Variants in ABLIM2 observed in about 807,000 individuals in gnomAD.
The protein encoded by ABLIM2 is actin binding LIM protein family member 2.
ABLIM2 carries 53 observed loss-of-function variants against 97.7 expected under a neutral mutation model. That is an observed-to-expected ratio of 0.54 (90% confidence interval 0.44 to 0.68). ABLIM2 has a LOEUF of 0.68. ABLIM2 is among the 30% of genes least tolerant of loss of function. ABLIM2 has a pLI of 0.00. For missense variants in ABLIM2, 835 were observed against 867.2 expected (o/e 0.96, Z 0.47); for synonymous variants, 361 against 345.8 (o/e 1.04, Z -0.49).
chr4:8,098,124 A>G (rs12505302), intron 2 of ABLIM2, among the ~76,000 whole-genome samples: 33,140 of 152,096 alleles, frequency 0.22, 4,332 homozygotes, highest in Non-Finnish European at 0.3. Context: ...CAGGCCATGC[A>G]TGGTTTCAGA....
At chr4:8,041,053 G>T (rs946065015) in intron 9 of ABLIM2, among the ~76,000 whole-genome samples, 1 of 152,174 alleles carries the variant, frequency 6.6e-6, no homozygotes, top group East Asian at 1.9e-4. Context: ...TAATTTGTTC[G>T]AGGCCTTCTG....
chr4:8,035,724 G>C (rs1784123066), intron 10 of ABLIM2, among the ~76,000 whole-genome samples: 1 of 152,186 alleles, frequency 6.6e-6, no homozygotes. Flanking sequence ...TGAATTCATG[G>C]GGCAGAGGAG....
chr4:8,077,988 G>A (rs1004480368), intron 5 of ABLIM2, among the ~76,000 whole-genome samples: 1 of 152,232 alleles, frequency 6.6e-6, no homozygotes, highest in Non-Finnish European at 1.5e-5. Flanking sequence ...GGGAGGGGCT[G>A]ACAGCAGCAG....
intron 4 of ABLIM2, among the ~76,000 whole-genome samples, chr4:8,081,574 G>C (rs990592942): frequency 6.6e-6 from 1 of 152,224 alleles, no homozygotes; most frequent in Non-Finnish European, 1.5e-5. Context: ...CCTGGTGCAC[G>C]AGCCTGAGCG....
In ABLIM2 at chr4:7,998,110, A is replaced by T. The variant is rs1180837102; in HGVS notation, c.1619-5183T>A. Among the ~76,000 whole-genome samples, 1 of 151,626 alleles carries T rather than the reference A, an allele frequency of 6.6e-6. No individual in the cohort carries two copies. The highest frequency in any genetic ancestry group is 2.4e-5 in the African/African-American group (1 of 41,222). ...TGATCGGGCTCGTCTTCAACTCCTG[A>T]TCTCAGGTGATCTGATCCGTCCTCC... On this transcript the variant is annotated intron_variant, in intron 16 of 20. Transcript: ENST00000447017. The surrounding 1 kb of genome is among the most constrained non-coding windows in gnomAD (Gnocchi z 6.4).
rs1851580898 is a variant in ABLIM2 at position 8,145,121 on chromosome 4, A to C, written c.10+13559T>G. ...ACCCCACAGGGCTTTGTGGTGTCGG[A>C]GATCAATCTACAGCCTCGCTCCTGT... On this transcript the variant is annotated intron_variant, in intron 1 of 20. Transcript: ENST00000447017. 2.6e-5 allele frequency among the ~76,000 whole-genome samples: 4 copies of C among 151,918 alleles called. No homozygotes were observed. In the South Asian group the frequency reaches 8.3e-4, roughly 31 times the overall value.
chr4:8,036,492 G>A (rs561322336), intron 9 of ABLIM2, among the ~76,000 whole-genome samples, 197 bp from the exon 10 acceptor site: 6 of 152,254 alleles, frequency 3.9e-5, no homozygotes, highest in East Asian at 1.9e-4. Flanking sequence ...TCCAGCAGCC[G>A]TGAAGAGGGT....
In ABLIM2 at chr4:8,071,871, A is replaced by G; in HGVS notation, c.675+5757T>C. 3.0e-6 allele frequency: 3 copies of G among 985,450 alleles called. No individual in the cohort carries two copies. Among genetic ancestry groups the G allele is most frequent in the Non-Finnish European group, 3.6e-6 (3 of 829,964 alleles). 61.0% of individuals were successfully genotyped at this position (985,450 alleles called of 1,614,324 possible). A position where few individuals can be genotyped will look rare whatever the true frequency, so the allele number is the denominator to read the frequency against. ...AGGGTGGACACCCTCACCTTCAGCC[A>G]ACAGTCTGTCACCTGCTCCTGCTGC... On this transcript the variant is annotated intron_variant, in intron 6 of 20. Transcript: ENST00000447017. The surrounding 1 kb of genome is among the most constrained non-coding windows in gnomAD (Gnocchi z 6.2).
intron 20 of ABLIM2, among the ~76,000 whole-genome samples, chr4:7,978,269 C>T (rs915751775): frequency 2.6e-5 from 4 of 152,150 alleles, no homozygotes; most frequent in Non-Finnish European, 4.4e-5. Flanking sequence ...AGTAACATTT[C>T]CAGTTGCCTC....
In ABLIM2 at chr4:8,007,700, C is replaced by A. The variant is rs966465906; in HGVS notation, c.1618+359G>T. 2.9e-6 allele frequency: 3 copies of A among 1,043,422 alleles called. No homozygotes were observed. In the African/African-American group the frequency reaches 5.1e-5, roughly 18 times the overall value. 64.6% of individuals were successfully genotyped at this position (1,043,422 alleles called of 1,614,324 possible). A position where few individuals can be genotyped will look rare whatever the true frequency, so the allele number is the denominator to read the frequency against. ...GTCTGCACTCATCAGCCGGACCATG[C>A]CCATGTCTGCTCTGGAGGGAACAGG... On this transcript the variant is annotated intron_variant, in intron 16 of 20. Transcript: ENST00000447017.
chr4:7,978,080 A>C lies in ABLIM2; in HGVS notation c.1824+5184T>G, dbSNP rs73090379. Among the ~76,000 whole-genome samples the C allele has an allele frequency of 3.9e-3, 586 of 152,138 alleles. 8 individuals carry two copies. Among genetic ancestry groups the C allele is most frequent in the African/African-American group, 0.014 (566 of 41,544 alleles). Reference sequence around the variant, plus strand: ...ATTTTTCTGGACTTTTATGACAGTTAAGATTTTTTAAATATATATTAAAAA... The same window carrying C: ...ATTTTTCTGGACTTTTATGACAGTTCAGATTTTTTAAATATATATTAAAAA... On this transcript the variant is annotated intron_variant, in intron 20 of 20. Transcript: ENST00000447017.
rs993650120 is a variant in ABLIM2 at position 8,072,199 on chromosome 4, G to C, written c.675+5429C>G. Among the ~76,000 whole-genome samples, 5 of 152,198 alleles carry C rather than the reference G, an allele frequency of 3.3e-5. No homozygotes were observed. The highest frequency in any genetic ancestry group is 1.2e-4 in the African/African-American group (5 of 41,454). ...CAGACCTGTTTTGCTCCTGTTCCTC[G>C]AATTAGGATGGTTCCTTCCCGATGA... On this transcript the variant is annotated intron_variant, in intron 6 of 20. Coordinates refer to ENST00000447017, the MANE Select transcript of ABLIM2 (RefSeq NM_001130083.2). The surrounding 1 kb of genome is among the most constrained non-coding windows in gnomAD (Gnocchi z 5.8).
rs1427147387 is a variant in ABLIM2, at chr4:8,058,879, G to C, written c.763+2088C>G. ...TTGAGTTCCTCATCCCATCTTTGACGACTCAGTCCTTAGCCTGTCTTCGGC... is the reference window on the plus strand; with the variant it reads ...TTGAGTTCCTCATCCCATCTTTGACCACTCAGTCCTTAGCCTGTCTTCGGC... On this transcript the variant is annotated intron_variant, in intron 7 of 20. Transcript: ENST00000447017. This position sits in a 1 kb window ranked among gnomAD's most constrained non-coding sequence, Gnocchi z 4.2. Among the ~76,000 whole-genome samples the C allele has an allele frequency of 6.6e-6, 1 of 152,056 alleles. No individual in the cohort carries two copies. The highest frequency in any genetic ancestry group is 1.5e-5 in the Non-Finnish European group (1 of 68,032).
Position 8,006,612 on chromosome 4 carries a change from G to A in ABLIM2, c.1618+1447C>T, listed in dbSNP as rs147405279. On this transcript the variant is annotated intron_variant, in intron 16 of 20. Coordinates refer to ENST00000447017, the MANE Select transcript of ABLIM2 (RefSeq NM_001130083.2). ...CTCTAAACACAACGGCATCTGACACGTGAGTGCAGGGCAGATGGGCCATGA... is the reference window on the plus strand; with the variant it reads ...CTCTAAACACAACGGCATCTGACACATGAGTGCAGGGCAGATGGGCCATGA... 1.2e-4 allele frequency among the ~76,000 whole-genome samples: 18 copies of A among 152,364 alleles called. 1 individual carries two copies. The East Asian group carries it at 2.3e-3, about 20-fold the overall frequency.
chr4:8,042,452 G>A lies in ABLIM2; in HGVS notation c.900+2712C>T, dbSNP rs1455555374. Among the ~76,000 whole-genome samples the A allele has an allele frequency of 2.0e-5, 3 of 152,282 alleles. No homozygotes were observed. In the East Asian group the frequency reaches 5.8e-4, roughly 29 times the overall value. On this transcript the variant is annotated intron_variant, in intron 9 of 20. Coordinates refer to ENST00000447017, the MANE Select transcript of ABLIM2 (RefSeq NM_001130083.2). ...AGGCCAAGGAGCATCTGAGCAGACG[G>A]CCCTGCTGTTTCCCCACTCAGTCTG... is the stretch of plus-strand genomic sequence containing the variant.
Position 8,058,451 on chromosome 4 carries a change from G to A in ABLIM2, c.763+2516C>T, listed in dbSNP as rs1040485349. On this transcript the variant is annotated intron_variant, in intron 7 of 20. Coordinates refer to ENST00000447017, the MANE Select transcript of ABLIM2 (RefSeq NM_001130083.2). The surrounding 1 kb of genome is among the most constrained non-coding windows in gnomAD (Gnocchi z 4.2). ...GCCCGCAGGCACCTGCACGGCAGAC[G>A]CTCTGACAGCAGCTCTCCCAGACCT... is the stretch of plus-strand genomic sequence containing the variant. 2.4e-4 allele frequency among the ~76,000 whole-genome samples: 36 copies of A among 152,234 alleles called. No homozygotes were observed. The highest frequency in any genetic ancestry group is 4.6e-4 in the Non-Finnish European group (31 of 68,044).
At chr4:8,057,159 T>C (rs1225217192) in intron 7 of ABLIM2, among the ~76,000 whole-genome samples, 8 of 150,448 alleles carry the variant, frequency 5.3e-5, no homozygotes, top group Admixed American at 2.0e-4. Context: ...AGTGCAGTTA[T>C]GCAATCTCAG....
chr4:8,114,783 G>A lies in ABLIM2; in HGVS notation c.11-8146C>T, dbSNP rs895502511. ...CCAAGAGCTAGGCCAGCACCGGGCC[G>A]ATGTTGGGCAGCCACCGCCCCGTCC... On this transcript the variant is annotated intron_variant, in intron 1 of 20. Coordinates refer to ENST00000447017, the MANE Select transcript of ABLIM2 (RefSeq NM_001130083.2). 2.1e-4 allele frequency among the ~76,000 whole-genome samples: 24 copies of A among 112,670 alleles called. 1 individual carries two copies. In the Admixed American group the frequency reaches 2.3e-3, roughly 11 times the overall value. 73.9% of individuals were successfully genotyped at this position (112,670 alleles called of 152,430 possible). A position where few individuals can be genotyped will look rare whatever the true frequency, so the allele number is the denominator to read the frequency against.
rs2152954036 is a variant in ABLIM2, at chr4:8,147,497, T to G, written c.10+11183A>C. Among the ~76,000 whole-genome samples, 1 of 152,210 alleles carries G rather than the reference T, an allele frequency of 6.6e-6. No homozygotes were observed. The highest frequency in any genetic ancestry group is 2.1e-4 in the South Asian group (1 of 4,812). ...AAAGCGTCTAGAGACTGGGAGATGA[T>G]TCTGGATGCTATGGGCGGGCTCTGA... On this transcript the variant is annotated intron_variant, in intron 1 of 20. Coordinates refer to ENST00000447017, the MANE Select transcript of ABLIM2 (RefSeq NM_001130083.2). The surrounding 1 kb of genome is among the most constrained non-coding windows in gnomAD (Gnocchi z 5.3).
Sources: gnomAD v4.1 joint callset for allele counts (sites outside exome capture counted in the v4.1 genomes callset) on GRCh38, gnomAD v4.1.1 for gene constraint, Gnocchi (gnomAD v3.1) non-coding constraint, MANE v1.5 for transcripts, NCBI Gene and HGNC (gene_info 2026-07-23, HGNC 2026-07-21) for gene names.